ZNF322: variants seen among roughly 807,000 people sequenced by gnomAD.
ZNF322 encodes the protein HLA complex group 12.
A neutral mutation model predicts 18.3 loss-of-function variants in ZNF322; 1 was observed. That is an observed-to-expected ratio of 0.05 (90% CI 0.02 to 0.26). The LOEUF is 0.26. Among genes scored for constraint, ZNF322 ranks in the 10% least tolerant of loss-of-function variants. ZNF322 has a pLI of 1.00. For synonymous variants in ZNF322, 17 were observed against 130.7 expected, an observed-to-expected ratio of 0.13 and a Z score of 5.93; for missense variants, 36 against 403.6, an observed-to-expected ratio of 0.09 and a Z score of 7.80.
At chr6:26,652,666 G>A (rs1305178675) in intron 2 of ZNF322, among the ~76,000 whole-genome samples, 1 of 151,862 alleles carries the variant, frequency 6.6e-6, no homozygotes, top group Admixed American at 6.6e-5. Flanking sequence ...CTCCAGCCTG[G>A]GCAACAAGAG....
chr6:26,656,164 T>C (rs1305792367), intron 2 of ZNF322, among the ~76,000 whole-genome samples: 5 of 152,200 alleles, frequency 3.3e-5, no homozygotes, highest in Non-Finnish European at 7.3e-5. Flanking sequence ...TGGCTAAAGA[T>C]TGGTTTATTT....
At chr6:26,659,302 A>C (rs1765839646) in intron 1 of ZNF322, 139 bp downstream of exon 1, 1 of 155,260 alleles carries the variant, frequency 6.4e-6, no homozygotes, top group African/African-American at 2.4e-5. Context: ...ACCATCTTTC[A>C]GTCCTCCGTC....
At chr6:26,653,441 G>T (rs1268709322) in intron 2 of ZNF322, among the ~76,000 whole-genome samples, 1 of 152,184 alleles carries the variant, frequency 6.6e-6, no homozygotes, top group Non-Finnish European at 1.5e-5. Flanking sequence ...AGTAATGTTT[G>T]TAACGGGAAA....
At chr6:26,650,419 C>T (rs1765647135) in intron 2 of ZNF322, 1 of 151,958 alleles carries the variant, frequency 6.6e-6, no homozygotes, top group Admixed American at 6.5e-5. Context: ...TGCTTTTCAA[C>T]ATAATACTGG....
intron 2 of ZNF322, among the ~76,000 whole-genome samples, chr6:26,656,172 T>A (rs1375778016): frequency 6.6e-6 from 1 of 152,248 alleles, no homozygotes; most frequent in Admixed American, 6.5e-5. Flanking sequence ...GATTGGTTTA[T>A]TTTGGTGGTT....
chr6:26,650,889 C>T (rs1287016128), intron 2 of ZNF322, among the ~76,000 whole-genome samples: 1 of 152,146 alleles, frequency 6.6e-6, no homozygotes. Context: ...TCAACACAAT[C>T]CCAGCAAATT....
intron 3 of ZNF322, among the ~76,000 whole-genome samples, chr6:26,642,486 G>A (rs539890842): frequency 3.3e-5 from 5 of 152,272 alleles, no homozygotes; most frequent in African/African-American, 1.2e-4. Context: ...AGGTGTGGAG[G>A]GGTAGGCCCC....
At chr6:26,653,202 A>T (rs1343647156) in intron 2 of ZNF322, among the ~76,000 whole-genome samples, 1 of 152,232 alleles carries the variant, frequency 6.6e-6, no homozygotes, top group Non-Finnish European at 1.5e-5. Context: ...ATCAGTATAC[A>T]TTAAAAGGCA....
At position 26,636,667 on chromosome 6, in the gene ZNF322, C is replaced by T. The variant is rs1554147721; in HGVS notation, c.*678G>A. The T allele has an allele frequency of 2.3e-5, 3 of 132,476 alleles. No individual in the cohort carries two copies. Among genetic ancestry groups the T allele is most frequent in the African/African-American group, 8.7e-5 (3 of 34,588 alleles). The allele number at this position is 132,476 out of a possible 1,614,324, so 8.2% of individuals were successfully genotyped here. A position where few individuals can be genotyped will look rare whatever the true frequency, so the allele number is the denominator to read the frequency against. On this transcript the variant is annotated 3_prime_UTR_variant, in exon 4 of 4. Transcript: ENST00000415922. The stretch of plus-strand genomic sequence containing the variant: ...TCAAGGTAAGTATGGGTTTTTTCAC[C>T]TATGTGAGTTCCCTGATGTACCACA...
chr6:26,637,050 CAG>C lies in ZNF322; in HGVS notation c.*293_*294del. The C allele has an allele frequency of 9.4e-5, 25 of 266,206 alleles. No homozygotes were observed. The highest frequency in any genetic ancestry group is 6.2e-5 in the Non-Finnish European group (9 of 144,024). The allele number at this position is 266,206 out of a possible 1,614,324, so 16.5% of individuals were successfully genotyped here. On this transcript the variant is annotated 3_prime_UTR_variant, in exon 4 of 4. Transcript: ENST00000415922. ...CATTAGTAGAAAGCTCTCTCACACTCAGTGCATTTCTAAGGTTTCCCACTTGT... is the reference window on the plus strand; with the variant it reads ...CATTAGTAGAAAGCTCTCTCACACTCTGCATTTCTAAGGTTTCCCACTTGT...
rs1223206694 is a variant in ZNF322, at chr6:26,649,692, TATATATATA to T, written c.-245-5973_-245-5965del. On this transcript the variant is annotated intron_variant, in intron 2 of 3. Coordinates refer to ENST00000415922, the MANE Select transcript of ZNF322 (RefSeq NM_024639.5). ...GTGTGTGTGTATATATATATATATA[TATATATATA>T]TTTTTTTTTTTTTTTTTTTGAGACT... Among the ~76,000 whole-genome samples, 68 of 80,936 alleles carry T rather than the reference TATATATATA, an allele frequency of 8.4e-4. 2 individuals carry two copies. Among genetic ancestry groups the T allele is most frequent in the Middle Eastern group, 5.3e-3 (1 of 190 alleles). The allele number at this position is 80,936 out of a possible 152,430, so 53.1% of individuals were successfully genotyped here. A position where few individuals can be genotyped will look rare whatever the true frequency, so the allele number is the denominator to read the frequency against.
chr6:26,644,963 C>T (rs1393944925), intron 2 of ZNF322, among the ~76,000 whole-genome samples: 1 of 152,122 alleles, frequency 6.6e-6, no homozygotes, highest in Non-Finnish European at 1.5e-5. Flanking sequence ...GATGTTCTCC[C>T]TCCCCCCGCA....
intron 2 of ZNF322, among the ~76,000 whole-genome samples, chr6:26,657,495 C>A (rs544558044): frequency 6.6e-6 from 1 of 152,200 alleles, no homozygotes; most frequent in South Asian, 2.1e-4. Flanking sequence ...AAGCAGCATA[C>A]CCTGACTACC....
chr6:26,647,824 T>C (rs1350313452), intron 2 of ZNF322, among the ~76,000 whole-genome samples: 2 of 151,770 alleles, frequency 1.3e-5, no homozygotes, highest in East Asian at 3.9e-4. Context: ...AGGATAGCAC[T>C]GGTAACTAAA....
intron 2 of ZNF322, among the ~76,000 whole-genome samples, chr6:26,653,329 C>T (rs1407479673): frequency 2.0e-5 from 3 of 152,134 alleles, no homozygotes; most frequent in Non-Finnish European, 4.4e-5. Flanking sequence ...TGTAACAAAA[C>T]TAGATATACA....
At chr6:26,644,908 C>T (rs782769833) in intron 2 of ZNF322, among the ~76,000 whole-genome samples, 8 of 151,998 alleles carry the variant, frequency 5.3e-5, no homozygotes, top group Admixed American at 1.3e-4. Context: ...ACCTATCAAC[C>T]CATCACCTAG....
chr6:26,654,765 A>G lies in ZNF322; in HGVS notation c.-246+3793T>C, dbSNP rs111848616. Among the ~76,000 whole-genome samples the G allele has an allele frequency of 8.8e-3, 1,336 of 152,302 alleles. 8 individuals carry two copies. The highest frequency in any genetic ancestry group is 0.02 in the African/African-American group (821 of 41,572). ...ATCAAAAGAAGAGTACTGTGCAAAA[A>G]TCTACTGGATGAAAAATTTTATGAG... is the stretch of plus-strand genomic sequence containing the variant. On this transcript the variant is annotated intron_variant, in intron 2 of 3. Coordinates refer to ENST00000415922, the MANE Select transcript of ZNF322 (RefSeq NM_024639.5).
Position 26,638,183 on chromosome 6 carries a change from T to C in ZNF322, c.371A>G (p.Lys124Arg). 7 of 1,613,704 alleles carry C rather than the reference T, an allele frequency of 4.3e-6. No individual in the cohort carries two copies. The highest frequency in any genetic ancestry group is 5.9e-6 in the Non-Finnish European group (7 of 1,179,756). ...ACAAATGTCACATGTATAGAATTTT[T>C]TACCTGCATGTGTTCTCTGATGTCC... ...LSGHQRTHAG[K>R]KFYTCDICGK... Residue 124 changes from lysine (K) to arginine (R), a missense_variant, in exon 4 of 4, where the codon AAA becomes AGA. By Grantham distance (26) the Lys-to-Arg change is conservative (BLOSUM62 2). Transcript: ENST00000415922.
At chr6:26,650,153 T>C (rs1338996373) in intron 2 of ZNF322, among the ~76,000 whole-genome samples, 2 of 152,024 alleles carry the variant, frequency 1.3e-5, no homozygotes, top group African/African-American at 2.4e-5. Flanking sequence ...AAACATCTGA[T>C]AGAAAAATAA....
Sources: gnomAD v4.1 joint callset for allele counts (sites outside exome capture counted in the v4.1 genomes callset) on GRCh38, gnomAD v4.1.1 for gene constraint, MANE v1.5 for transcripts, NCBI Gene and HGNC (gene_info 2026-07-23, HGNC 2026-07-21) for gene names.